Variants in AP3D1 observed in about 807,000 individuals in gnomAD.
The protein encoded by AP3D1 is adaptor related protein complex 3 subunit delta 1, also known as AP-3 complex subunit delta-1.
Under a neutral mutation model 147.6 loss-of-function variants are expected in AP3D1, and 51 were observed. That is an observed-to-expected ratio of 0.35 (90% CI 0.28 to 0.44). The LOEUF is 0.44. Among genes scored for constraint, AP3D1 ranks in the 20% least tolerant of loss-of-function variants. The probability of loss-of-function intolerance (pLI) is 1.00; values close to 1 mark genes in which losing one functional copy is unlikely to be tolerated. For missense variants in AP3D1, 1,421 were observed against 1,624.2 expected, an observed-to-expected ratio of 0.87 and a Z score of 2.15; for synonymous variants, 760 against 663.0, an observed-to-expected ratio of 1.15 and a Z score of -2.25.
At chr19:2,108,633 T>G in intron 31 of AP3D1, 54 bp downstream of exon 31, 1 of 1,495,880 alleles carries the variant, frequency 6.7e-7, no homozygotes, top group Non-Finnish European at 9.1e-7. Context: ...GGCCTGGGCA[T>G]GACCCCAGGA....
chr19:2,150,366 C>T lies in AP3D1; in HGVS notation c.96+873G>A, dbSNP rs1490585272. ...CGGGTATCCTTAATGAAGCCAGACA[C>T]GTGGTGGCCACTCTGCCCATTCTTC... On this transcript the variant is annotated intron_variant, in intron 1 of 31. Transcript: ENST00000643116. Among the ~76,000 whole-genome samples the T allele has an allele frequency of 2.6e-5, 4 of 152,178 alleles. No individual in the cohort carries two copies. The South Asian group carries it at 6.2e-4, about 24-fold the overall frequency.
chr19:2,114,319 C>A lies in AP3D1; in HGVS notation c.2424-17G>T, dbSNP rs367836643. 1 of 1,605,134 alleles carries A rather than the reference C, an allele frequency of 6.2e-7. No homozygotes were observed. Among genetic ancestry groups the A allele is most frequent in the Non-Finnish European group, 8.5e-7 (1 of 1,174,956 alleles). On this transcript the variant is annotated splice_polypyrimidine_tract_variant and intron_variant, in intron 21 of 31. Coordinates refer to ENST00000643116, the MANE Select transcript of AP3D1 (RefSeq NM_001261826.3). Reference sequence around the variant, plus strand: ...GCTAAGGGCCTGGAGGAGGAATGACCGGGCCACACATCAGCACCACTGGCC... The same window carrying A: ...GCTAAGGGCCTGGAGGAGGAATGACAGGGCCACACATCAGCACCACTGGCC...
chr19:2,142,491 G>A (rs371658806), intron 1 of AP3D1, among the ~76,000 whole-genome samples: 4 of 152,248 alleles, frequency 2.6e-5, no homozygotes, highest in Non-Finnish European at 4.4e-5. Flanking sequence ...TCAGTCCTTC[G>A]CCTCCAATGA....
In AP3D1 at chr19:2,129,564, C is replaced by G. The variant is rs1345919331; in HGVS notation, c.593-107G>C. On this transcript the variant is annotated intron_variant, in intron 6 of 31. Transcript: ENST00000643116. ...GTTCTGGGGCCTGCAGCAGCTCCCA[C>G]TGAACATGGCCCTGGCTCTGCCACC... The G allele has an allele frequency of 4.4e-6, 6 of 1,361,270 alleles. No individual in the cohort carries two copies. The East Asian group carries it at 9.9e-5, about 22-fold the overall frequency. The allele number at this position is 1,361,270 out of a possible 1,614,324, so 84.3% of individuals were successfully genotyped here.
intron 1 of AP3D1, among the ~76,000 whole-genome samples, chr19:2,142,927 G>A (rs2019260246): frequency 6.6e-6 from 1 of 151,548 alleles, no homozygotes; most frequent in Admixed American, 6.6e-5. Context: ...ACCACGCCAA[G>A]CTAATTTTAT....
intron 1 of AP3D1, among the ~76,000 whole-genome samples, chr19:2,163,185 T>C (rs1044164593): frequency 2.0e-5 from 3 of 152,172 alleles, no homozygotes; most frequent in Admixed American, 2.0e-4. Context: ...GCGATTCTCC[T>C]ACCTCAGCCC....
At chr19:2,139,440 G>A (rs1323908591) in intron 1 of AP3D1, among the ~76,000 whole-genome samples, 3 of 152,150 alleles carry the variant, frequency 2.0e-5, no homozygotes, top group Non-Finnish European at 4.4e-5. Context: ...CTAACTGCGC[G>A]TGTCTCCAGA....
chr19:2,161,016 C>T (rs987204352), intron 1 of AP3D1, among the ~76,000 whole-genome samples: 3 of 152,054 alleles, frequency 2.0e-5, no homozygotes, highest in African/African-American at 7.2e-5. Context: ...TCCCATGATC[C>T]ACCACCCTGC....
At chr19:2,139,890 T>C (rs538578629) in intron 1 of AP3D1, among the ~76,000 whole-genome samples, 7 of 152,008 alleles carry the variant, frequency 4.6e-5, no homozygotes, top group African/African-American at 1.7e-4. Flanking sequence ...ACCACTCATG[T>C]GTCACCCAGG....
intron 29 of AP3D1, 170 bp downstream of exon 29, chr19:2,109,703 G>A (rs932361373): frequency 6.8e-5 from 44 of 650,860 alleles, no homozygotes; most frequent in East Asian, 4.4e-4. Flanking sequence ...ACACGGCCCC[G>A]GCTGGCGCAG....
intron 1 of AP3D1, among the ~76,000 whole-genome samples, chr19:2,159,130 C>T (rs1010514882): frequency 1.3e-5 from 2 of 152,136 alleles, no homozygotes; most frequent in South Asian, 2.1e-4. Flanking sequence ...GCTGGGATTA[C>T]AGGCACACAC....
At chr19:2,106,830 C>T (rs1568273240) in intron 31 of AP3D1, among the ~76,000 whole-genome samples, 2 of 152,012 alleles carry the variant, frequency 1.3e-5, no homozygotes, top group Non-Finnish European at 2.9e-5. Flanking sequence ...GGTTCCACTC[C>T]TAGGAGGTCC....
chr19:2,147,133 T>G (rs2019377080), intron 1 of AP3D1, among the ~76,000 whole-genome samples: 1 of 151,984 alleles, frequency 6.6e-6, no homozygotes, highest in African/African-American at 2.4e-5. Context: ...TCACCTGAGG[T>G]CGGGAGTTCA....
intron 3 of AP3D1, among the ~76,000 whole-genome samples, chr19:2,137,381 T>C (rs1306733207): frequency 6.6e-6 from 1 of 151,982 alleles, no homozygotes; most frequent in Non-Finnish European, 1.5e-5. Context: ...TGGCACGATC[T>C]CAGCTCACTG....
chr19:2,142,310 G>A (rs1044009127), intron 1 of AP3D1, among the ~76,000 whole-genome samples: 3 of 151,606 alleles, frequency 2.0e-5, no homozygotes, highest in South Asian at 2.1e-4. Flanking sequence ...TACTGCACCC[G>A]ACCTAACATT....
At chr19:2,157,507 A>G (rs927141359) in intron 1 of AP3D1, among the ~76,000 whole-genome samples, 12 of 150,050 alleles carry the variant, frequency 8.0e-5, no homozygotes, top group African/African-American at 3.0e-4. Context: ...CCATCCACCT[A>G]TCCACCCATA....
intron 31 of AP3D1, among the ~76,000 whole-genome samples, chr19:2,105,171 C>T (rs958151801): frequency 4.6e-5 from 7 of 152,188 alleles, no homozygotes; most frequent in Non-Finnish European, 5.9e-5. Context: ...CAGCCATGAA[C>T]CCATCTGAAT....
chr19:2,132,656 G>C, intron 4 of AP3D1, 78 bp from the exon 5 acceptor site: 2 of 1,299,720 alleles, frequency 1.5e-6, no homozygotes. Flanking sequence ...AGGAGCAGCA[G>C]GAGCGAAATT....
chr19:2,129,490 G>A (rs1475153319), intron 6 of AP3D1, 33 bp from the exon 7 acceptor site: 6 of 1,598,624 alleles, frequency 3.8e-6, no homozygotes, highest in Middle Eastern at 1.7e-4. Flanking sequence ...CAGCATGCCT[G>A]TCCTTCCACC....
Sources: allele counts gnomAD v4.1 joint callset (sites outside exome capture counted in the v4.1 genomes callset), GRCh38; gene constraint gnomAD v4.1.1; transcripts MANE v1.5; gene names NCBI Gene and HGNC (gene_info 2026-07-23, HGNC 2026-07-21).